PRELID2: variants seen among roughly 807,000 people sequenced by gnomAD.
PRELID2 encodes the protein PRELI domain containing 2.
A neutral mutation model predicts 28.4 loss-of-function variants in PRELID2; 25 were observed. That is an observed-to-expected ratio of 0.88 (90% CI 0.64 to 1.23). The LOEUF is 1.23. PRELID2 is among the 50% of genes most tolerant of loss of function. The pLI is 0.00. For synonymous variants in PRELID2, 76 were observed against 71.6 expected, an observed-to-expected ratio of 1.06 and a Z score of -0.31; for missense variants, 201 against 214.4, an observed-to-expected ratio of 0.94 and a Z score of 0.39.
At chr5:145,421,888 C>A in the PRELID2 span, among the ~76,000 whole-genome samples, 6 of 151,296 alleles carry the variant, frequency 4.0e-5, no homozygotes, top group East Asian at 1.2e-3. Flanking sequence ...AAATTTCCCT[C>A]TACACACTGC....
intron 1 of PRELID2, among the ~76,000 whole-genome samples, chr5:145,706,045 A>G (rs1273927410): frequency 1.3e-5 from 2 of 151,724 alleles, no homozygotes; most frequent in Non-Finnish European, 2.9e-5. Flanking sequence ...AGGGATACTT[A>G]TTTTCTTGTT....
intron 1 of PRELID2, among the ~76,000 whole-genome samples, chr5:145,481,559 C>T (rs1752159209): frequency 1.4e-5 from 2 of 144,556 alleles, no homozygotes; most frequent in Non-Finnish European, 3.0e-5. Flanking sequence ...TGTCCCTCAA[C>T]CTGTTAAGTC....
rs1043592793 is a variant in PRELID2, at chr5:145,757,556, G to C, written c.*2980C>G. On this transcript the variant is annotated 3_prime_UTR_variant, in exon 7 of 7. Transcript: ENST00000683046. ...TGTTTCTAGTGTGCCCAATAAGCCT[G>C]TACTCCTGGTTTTGACATTTCTTAA... is the stretch of plus-strand genomic sequence containing the variant. 3.9e-5 allele frequency among the ~76,000 whole-genome samples: 6 copies of C among 152,012 alleles called. No individual in the cohort carries two copies. The highest frequency in any genetic ancestry group is 3.9e-4 in the Admixed American group (6 of 15,258).
At chr5:145,509,257 C>T (rs1185739607) in intron 1 of PRELID2, among the ~76,000 whole-genome samples, 1 of 152,122 alleles carries the variant, frequency 6.6e-6, no homozygotes, top group Non-Finnish European at 1.5e-5. Context: ...ACTTTCTCGT[C>T]GAAAGCTGCA....
chr5:145,393,279 C>A, the PRELID2 span, among the ~76,000 whole-genome samples: 1 of 136,326 alleles, frequency 7.3e-6, no homozygotes, highest in Non-Finnish European at 1.6e-5. Flanking sequence ...AGAACTAAAG[C>A]CCAAATGTCA....
At chr5:145,392,215 T>C in the PRELID2 span, among the ~76,000 whole-genome samples, 1 of 152,202 alleles carries the variant, frequency 6.6e-6, no homozygotes, top group Admixed American at 6.5e-5. Context: ...AAAAAAGGTT[T>C]AATTGATTCA....
chr5:145,513,696 G>C (rs1752486342), intron 1 of PRELID2, among the ~76,000 whole-genome samples: 1 of 152,116 alleles, frequency 6.6e-6, no homozygotes, highest in South Asian at 2.1e-4. Context: ...ATAATTGTCA[G>C]ATTTACCATG....
chr5:145,613,305 T>C (rs1378076294), intron 1 of PRELID2, among the ~76,000 whole-genome samples: 2 of 152,018 alleles, frequency 1.3e-5, no homozygotes, highest in Non-Finnish European at 2.9e-5. Context: ...TATTTATTTT[T>C]TTATTATACT....
At chr5:145,661,067 G>C (rs541512838) in intron 1 of PRELID2, among the ~76,000 whole-genome samples, 35 of 152,254 alleles carry the variant, frequency 2.3e-4, no homozygotes, top group African/African-American at 7.5e-4. Context: ...GGGCATATGA[G>C]GTAAAATAGC....
At chr5:145,536,026 G>A (rs1752694865) in intron 1 of PRELID2, among the ~76,000 whole-genome samples, 1 of 151,874 alleles carries the variant, frequency 6.6e-6, no homozygotes, top group African/African-American at 2.4e-5. Context: ...TTAGTTAGAA[G>A]TGCAATGAAA....
At chr5:145,809,036 C>CTTTTTTTTTTTT (rs372516210) in intron 4 of PRELID2, among the ~76,000 whole-genome samples, 5 of 105,830 alleles carry the variant, frequency 4.7e-5, no homozygotes, top group Non-Finnish European at 5.9e-5. Flanking sequence ...TTTTTTTTTG[C>CTTTTTTTTTTTT]TTTTTTTTTT....
rs1351551008 is a variant in PRELID2 at position 145,817,946 on chromosome 5, C to T, written c.316G>A (p.Ala106Thr). The change falls in exon 4 of 7, where the codon GCA becomes ACA. Residue 106 changes from alanine (A) to threonine (T), a missense_variant. Ala to Thr is a moderately conservative substitution (Grantham distance 58). Coordinates refer to ENST00000683046, the MANE Select transcript of PRELID2 (RefSeq NM_205846.3). ...RSHCLTWTQY[A>T]SMKEESVFRE... ...AAGACAGACTCTTCCTTCATGGATGCATACTGTGTCCACGTAAGGCAGTGA... is the reference window on the plus strand; with the variant it reads ...AAGACAGACTCTTCCTTCATGGATGTATACTGTGTCCACGTAAGGCAGTGA... 1.8e-5 allele frequency: 29 copies of T among 1,596,890 alleles called. No individual in the cohort carries two copies. The highest frequency in any genetic ancestry group is 2.4e-5 in the Non-Finnish European group (28 of 1,173,618).
chr5:145,428,275 A>G, the PRELID2 span, among the ~76,000 whole-genome samples: 4 of 151,956 alleles, frequency 2.6e-5, no homozygotes, highest in African/African-American at 9.7e-5. Context: ...TTCAATTTCT[A>G]CTTCTATTGG....
chr5:145,608,711 T>C (rs972780264), intron 1 of PRELID2, among the ~76,000 whole-genome samples: 2 of 152,188 alleles, frequency 1.3e-5, no homozygotes, highest in Non-Finnish European at 2.9e-5. Context: ...CTGATGACTA[T>C]GTGTCTTAGG....
At chr5:145,565,265 G>C (rs139188952) in intron 1 of PRELID2, among the ~76,000 whole-genome samples, 1 of 152,348 alleles carries the variant, frequency 6.6e-6, no homozygotes, top group East Asian at 1.9e-4. Flanking sequence ...GGTGGCTACT[G>C]CTCCATTTGC....
chr5:145,252,171 C>T, the PRELID2 span, among the ~76,000 whole-genome samples: 1 of 152,116 alleles, frequency 6.6e-6, no homozygotes, highest in East Asian at 1.9e-4. Flanking sequence ...TCTAAACATC[C>T]TGAATCAACC....
At chr5:145,239,826 T>G in the PRELID2 span, among the ~76,000 whole-genome samples, 1 of 152,000 alleles carries the variant, frequency 6.6e-6, no homozygotes, top group Non-Finnish European at 1.5e-5. Context: ...TTCTCAGACA[T>G]TTGAGGTAAG....
the PRELID2 span, among the ~76,000 whole-genome samples, chr5:145,267,631 T>C: frequency 1.3e-5 from 2 of 152,210 alleles, no homozygotes; most frequent in African/African-American, 4.8e-5. Flanking sequence ...GTAGTGCAGA[T>C]ATGTCTTTGA....
At chr5:145,424,195 C>T in the PRELID2 span, among the ~76,000 whole-genome samples, 3,820 of 152,082 alleles carry the variant, frequency 0.025, 136 homozygotes, top group African/African-American at 0.081. Flanking sequence ...TTTTGTTTGT[C>T]TGTGCCCTGC....
Sources: allele counts gnomAD v4.1 joint callset (sites outside exome capture counted in the v4.1 genomes callset), GRCh38; gene constraint gnomAD v4.1.1; transcripts MANE v1.5; gene names NCBI Gene and HGNC (gene_info 2026-07-23, HGNC 2026-07-21).